Variants in CNBP observed in about 807,000 individuals in gnomAD.
CNBP encodes CCHC-type zinc finger nucleic acid binding protein.
In CNBP, 6 loss-of-function variants were observed where a neutral mutation model predicts 21.2. That is an observed-to-expected ratio of 0.28 (90% confidence interval 0.16 to 0.56). The LOEUF is 0.56. Among genes scored for constraint, CNBP ranks in the 20% least tolerant of loss-of-function variants. The pLI, the probability that CNBP is intolerant of heterozygous loss-of-function variation, is 0.93. For synonymous variants in CNBP, 61 were observed against 74.9 expected (o/e 0.81, Z 0.96); for missense variants, 112 against 233.1 (o/e 0.48, Z 3.38).
At position 129,169,611 on chromosome 3, in the gene CNBP, A is replaced by G. The variant is rs1196733328; in HGVS notation, c.*842T>C. 4.8e-6 allele frequency: 1 copy of G among 209,252 alleles called. No homozygotes were observed. The highest frequency in any genetic ancestry group is 9.7e-6 in the Non-Finnish European group (1 of 102,750). 13.0% of individuals were successfully genotyped at this position (209,252 alleles called of 1,614,324 possible). ...TCCTCCAGCTTTATTGGAATAGTTT[A>G]AAATTACATTTCTATTTTCTAGGAC... On this transcript the variant is annotated 3_prime_UTR_variant, in exon 5 of 5. Coordinates refer to ENST00000422453, the MANE Select transcript of CNBP (RefSeq NM_003418.5).
chr3:129,182,628 A>C (rs1938379919), intron 1 of CNBP, among the ~76,000 whole-genome samples: 2 of 152,180 alleles, frequency 1.3e-5, no homozygotes, highest in Non-Finnish European at 2.9e-5. Flanking sequence ...CATCTGTTTC[A>C]TTAATCCAAG....
At chr3:129,182,070 T>C (rs1938338563) in intron 1 of CNBP, among the ~76,000 whole-genome samples, 1 of 151,998 alleles carries the variant, frequency 6.6e-6, no homozygotes, top group African/African-American at 2.4e-5. Flanking sequence ...GTACTATATC[T>C]CTTATCTTTT....
At chr3:129,178,461 A>G (rs1354344498) in intron 1 of CNBP, among the ~76,000 whole-genome samples, 1 of 152,242 alleles carries the variant, frequency 6.6e-6, no homozygotes, top group Non-Finnish European at 1.5e-5. Flanking sequence ...CATTTAAAAT[A>G]AAGTAGCAAC....
At chr3:129,179,620 C>T (rs1938150974) in intron 1 of CNBP, among the ~76,000 whole-genome samples, 2 of 152,150 alleles carry the variant, frequency 1.3e-5, no homozygotes, top group Admixed American at 6.5e-5. Context: ...CCTGTAATCC[C>T]AGCACTTTGG....
chr3:129,175,166 TA>T (rs1560037296), intron 1 of CNBP, among the ~76,000 whole-genome samples: 1 of 151,042 alleles, frequency 6.6e-6, no homozygotes, highest in African/African-American at 2.4e-5. Flanking sequence ...TCTACTAAAA[TA>T]AAAAAATTAC....
intron 1 of CNBP, among the ~76,000 whole-genome samples, chr3:129,173,862 C>G (rs566731198): frequency 7.2e-5 from 11 of 152,116 alleles, no homozygotes; most frequent in African/African-American, 2.7e-4. Context: ...AGTGGATAAT[C>G]GAATTAGCTA....
chr3:129,169,586 T>A lies in CNBP; in HGVS notation c.*867A>T, dbSNP rs1937533336. On this transcript the variant is annotated 3_prime_UTR_variant, in exon 5 of 5. Transcript: ENST00000422453. ...AGAACTTTAGTCAAACTCCCCTTCCTCCTCCAGCTTTATTGGAATAGTTTA... is the reference window on the plus strand; with the variant it reads ...AGAACTTTAGTCAAACTCCCCTTCCACCTCCAGCTTTATTGGAATAGTTTA... The A allele has an allele frequency of 4.8e-6, 1 of 208,708 alleles. No homozygotes were observed. The highest frequency in any genetic ancestry group is 1.9e-4 in the South Asian group (1 of 5,304). The allele number at this position is 208,708 out of a possible 1,614,324, so 12.9% of individuals were successfully genotyped here. A position where few individuals can be genotyped will look rare whatever the true frequency, so the allele number is the denominator to read the frequency against.
At chr3:129,172,838 T>C (rs191268858) in intron 1 of CNBP, among the ~76,000 whole-genome samples, 1 of 152,254 alleles carries the variant, frequency 6.6e-6, no homozygotes, top group East Asian at 1.9e-4. Context: ...AAGTCATTTA[T>C]TTACTCACAT....
intron 4 of CNBP, 68 bp from the exon 5 acceptor site, chr3:129,170,638 C>T (rs746081327): frequency 1.5e-5 from 18 of 1,218,714 alleles, no homozygotes; most frequent in Non-Finnish European, 2.2e-5. Flanking sequence ...GCAACAGTCA[C>T]CATGCAGAAC....
At chr3:129,177,926 G>A (rs993066492) in intron 1 of CNBP, among the ~76,000 whole-genome samples, 9 of 152,128 alleles carry the variant, frequency 5.9e-5, no homozygotes, top group South Asian at 2.1e-4. Flanking sequence ...TTGGGAGGCC[G>A]AGGCAGATGC....
chr3:129,171,806 T>C, intron 1 of CNBP, 35 bp from the exon 2 acceptor site: 2 of 1,573,848 alleles, frequency 1.3e-6, no homozygotes, highest in South Asian at 1.2e-5. Context: ...ATTAAACCAC[T>C]GAAAGTTCTT....
rs759933205 is a variant in CNBP at position 129,179,377 on chromosome 3, C to A, written c.-15+4399G>T. Among the ~76,000 whole-genome samples the A allele has an allele frequency of 1.4e-4, 21 of 152,114 alleles. 1 individual carries two copies. The highest frequency in any genetic ancestry group is 6.5e-5 in the Admixed American group (1 of 15,270). ...AATAATGGAAAACAGAGTACTTACTCGGGAGCAATTCTGTATTTTTATCCT... is the reference window on the plus strand; with the variant it reads ...AATAATGGAAAACAGAGTACTTACTAGGGAGCAATTCTGTATTTTTATCCT... On this transcript the variant is annotated intron_variant, in intron 1 of 4. Transcript: ENST00000422453.
intron 1 of CNBP, among the ~76,000 whole-genome samples, chr3:129,175,457 GT>G (rs1937839389): frequency 7.4e-6 from 1 of 135,312 alleles, no homozygotes; most frequent in Non-Finnish European, 1.5e-5. Context: ...TTTTGAGACA[GT>G]CTCGCTCTGT....
chr3:129,172,667 G>GGC (rs1937624766), intron 1 of CNBP, among the ~76,000 whole-genome samples: 13 of 111,926 alleles, frequency 1.2e-4, no homozygotes, highest in South Asian at 3.2e-4. Flanking sequence ...CAGACAGACA[G>GGC]ACAGACAGAC....
At chr3:129,177,179 G>A (rs2107642883) in intron 1 of CNBP, among the ~76,000 whole-genome samples, 1 of 152,308 alleles carries the variant, frequency 6.6e-6, no homozygotes, top group African/African-American at 2.4e-5. Flanking sequence ...CAGGCAGCAG[G>A]AAAACACTTA....
intron 1 of CNBP, among the ~76,000 whole-genome samples, chr3:129,181,432 T>C (rs1304206486): frequency 6.1e-5 from 9 of 148,412 alleles, no homozygotes; most frequent in Non-Finnish European, 1.0e-4. Context: ...GGGAGTCGGA[T>C]CACAAGGTCA....
Position 129,169,889 on chromosome 3 carries a change from T to C in CNBP, c.*564A>G, listed in dbSNP as rs984922528. ...TATGTGTCCAACATCAACACTGTGA[T>C]GAAGTTGTTCCTGTTTAGGCTTTTA... On this transcript the variant is annotated 3_prime_UTR_variant, in exon 5 of 5. Coordinates refer to ENST00000422453, the MANE Select transcript of CNBP (RefSeq NM_003418.5). 4.3e-6 allele frequency: 1 copy of C among 230,378 alleles called. No homozygotes were observed. Among genetic ancestry groups the C allele is most frequent in the Non-Finnish European group, 8.6e-6 (1 of 116,158 alleles). 14.3% of individuals were successfully genotyped at this position (230,378 alleles called of 1,614,324 possible). A position where few individuals can be genotyped will look rare whatever the true frequency, so the allele number is the denominator to read the frequency against.
At chr3:129,182,812 T>C (rs1938395187) in intron 1 of CNBP, among the ~76,000 whole-genome samples, 1 of 152,058 alleles carries the variant, frequency 6.6e-6, no homozygotes, top group African/African-American at 2.4e-5. Context: ...ACTTAGTATT[T>C]AAATGACGAT....
chr3:129,179,224 C>T (rs1217789198), intron 1 of CNBP, among the ~76,000 whole-genome samples: 1 of 151,814 alleles, frequency 6.6e-6, no homozygotes, highest in Non-Finnish European at 1.5e-5. Flanking sequence ...TTGCGGTGAG[C>T]CGAGATCATG....
Sources: gnomAD v4.1 joint callset for allele counts (sites outside exome capture counted in the v4.1 genomes callset) on GRCh38, gnomAD v4.1.1 for gene constraint, MANE v1.5 for transcripts, NCBI Gene and HGNC (gene_info 2026-07-23, HGNC 2026-07-21) for gene names.